The following TOM1L2 variants were observed in gnomAD, a reference collection of about 807,000 sequenced individuals.
The protein encoded by TOM1L2 is target of myb1 like 2 membrane trafficking protein.
In TOM1L2, 31 loss-of-function variants were observed where a neutral mutation model predicts 67.9. The observed-to-expected ratio is 0.46, with a 90% CI of 0.34 to 0.62. TOM1L2 has a LOEUF of 0.62. Ranked by LOEUF, TOM1L2 falls within the 20% of genes least tolerant of loss-of-function variation. The pLI is 0.01. For missense variants in TOM1L2, 606 were observed against 663.5 expected, an observed-to-expected ratio of 0.91 and a Z score of 0.95; for synonymous variants, 256 against 254.0, an observed-to-expected ratio of 1.01 and a Z score of -0.07.
intron 1 of TOM1L2, among the ~76,000 whole-genome samples, chr17:17,954,780 A>G (rs1339268453): frequency 6.6e-6 from 1 of 152,232 alleles, no homozygotes. Context: ...GCAATGGTCC[A>G]GGCATGACCA....
At chr17:17,971,879 C>A (rs1319889560) in intron 1 of TOM1L2, among the ~76,000 whole-genome samples, 5 of 152,164 alleles carry the variant, frequency 3.3e-5, no homozygotes, top group Middle Eastern at 3.2e-3. Context: ...GCACCAGTGC[C>A]CGGGAGGAGG....
At chr17:17,936,529 C>A (rs1226288429) in intron 1 of TOM1L2, among the ~76,000 whole-genome samples, 2 of 151,816 alleles carry the variant, frequency 1.3e-5, no homozygotes, top group African/African-American at 4.8e-5. Context: ...AAGATATAAG[C>A]CCTAAGATGT....
chr17:17,892,484 C>G (rs2038339005), intron 4 of TOM1L2, among the ~76,000 whole-genome samples: 1 of 152,174 alleles, frequency 6.6e-6, no homozygotes, highest in South Asian at 2.1e-4. Flanking sequence ...GTCTAAAACC[C>G]AGGTCTGCAC....
At chr17:17,904,103 G>T (rs1459533612) in intron 2 of TOM1L2, among the ~76,000 whole-genome samples, 2 of 152,112 alleles carry the variant, frequency 1.3e-5, no homozygotes, top group Admixed American at 1.3e-4. Flanking sequence ...GAATAGGTGG[G>T]ACTACAGGCA....
intron 1 of TOM1L2, among the ~76,000 whole-genome samples, chr17:17,910,694 C>T (rs867568924): frequency 6.6e-6 from 1 of 152,052 alleles, no homozygotes; most frequent in Non-Finnish European, 1.5e-5. Flanking sequence ...CTCAGCCTCC[C>T]GAGTAGCTGG....
At chr17:17,883,404 G>T (rs1347527718) in intron 5 of TOM1L2, among the ~76,000 whole-genome samples, 3 of 152,206 alleles carry the variant, frequency 2.0e-5, no homozygotes, top group African/African-American at 7.2e-5. Context: ...ATAGCGCGTG[G>T]TCTGGAGGGA....
At chr17:17,972,120 C>T in intron 1 of TOM1L2, 142 bp downstream of exon 1, 1 of 1,041,992 alleles carries the variant, frequency 9.6e-7, no homozygotes, top group Non-Finnish European at 1.4e-6. Context: ...GATGCCCAGC[C>T]CGCTCGTGGA....
intron 1 of TOM1L2, among the ~76,000 whole-genome samples, chr17:17,927,367 A>G (rs752641018): frequency 1.3e-5 from 2 of 152,200 alleles, no homozygotes; most frequent in Non-Finnish European, 2.9e-5. Context: ...ACATGAGGCC[A>G]GCTGCAGAGG....
At chr17:17,863,825 A>C (rs1007228454) in intron 10 of TOM1L2, among the ~76,000 whole-genome samples, 1 of 151,942 alleles carries the variant, frequency 6.6e-6, no homozygotes, top group African/African-American at 2.4e-5. Flanking sequence ...ATGAGATTGC[A>C]AGTGTGAGCC....
At chr17:17,911,645 CT>C (rs141171530) in intron 1 of TOM1L2, among the ~76,000 whole-genome samples, 174 of 144,826 alleles carry the variant, frequency 1.2e-3, no homozygotes, top group East Asian at 2.4e-3. Flanking sequence ...GCTGGAAATT[CT>C]TTTTTTTTTT....
intron 4 of TOM1L2, among the ~76,000 whole-genome samples, chr17:17,888,258 G>A (rs1207714386): frequency 6.6e-6 from 1 of 152,172 alleles, no homozygotes; most frequent in East Asian, 1.9e-4. Flanking sequence ...AAGACCCAGA[G>A]GAAGGTCTAA....
chr17:17,937,661 AG>A (rs1490619448), intron 1 of TOM1L2, among the ~76,000 whole-genome samples: 2 of 152,250 alleles, frequency 1.3e-5, no homozygotes, highest in African/African-American at 4.8e-5. Context: ...CAAACTGCTC[AG>A]CAATGACACA....
At chr17:17,888,459 T>A (rs1446603974) in intron 4 of TOM1L2, among the ~76,000 whole-genome samples, 1 of 152,248 alleles carries the variant, frequency 6.6e-6, no homozygotes, top group Admixed American at 6.5e-5. Context: ...AACTATGGGC[T>A]CTGGGATGCC....
chr17:17,968,005 C>T (rs939732334), intron 1 of TOM1L2, among the ~76,000 whole-genome samples: 62 of 152,332 alleles, frequency 4.1e-4, no homozygotes, highest in African/African-American at 1.4e-3. Context: ...CTATGTCAGA[C>T]TGTGGTCTTA....
At chr17:17,948,903 G>A (rs188327273) in intron 1 of TOM1L2, among the ~76,000 whole-genome samples, 1 of 152,314 alleles carries the variant, frequency 6.6e-6, no homozygotes, top group Admixed American at 6.5e-5. Context: ...CCTGTGAGGG[G>A]TGGGGGGAAA....
intron 4 of TOM1L2, among the ~76,000 whole-genome samples, chr17:17,891,253 T>C (rs1598277289): frequency 6.6e-6 from 1 of 152,174 alleles, no homozygotes; most frequent in Non-Finnish European, 1.5e-5. Flanking sequence ...GCTGATCTCA[T>C]GGGCTCAGGA....
intron 1 of TOM1L2, among the ~76,000 whole-genome samples, chr17:17,908,519 A>C (rs2039195229): frequency 6.6e-6 from 1 of 152,220 alleles, no homozygotes; most frequent in Non-Finnish European, 1.5e-5. Context: ...GGAAGAAAAT[A>C]TTTGCAAAAT....
rs371116987 is a variant in TOM1L2 at position 17,972,263 on chromosome 17, G to A, written c.51C>T (p.Leu17=). 7.1e-6 allele frequency: 11 copies of A among 1,550,730 alleles called. No homozygotes were observed. The African/African-American group carries it at 1.4e-4, about 19-fold the overall frequency. The change falls in exon 1 of 15, where the codon CTC becomes CTT. Residue 17 remains leucine (L), a splice_region_variant and synonymous_variant. Coordinates refer to ENST00000379504, the MANE Select transcript of TOM1L2 (RefSeq NM_001082968.2). ...CTCCTGCCCCACACGCGGCCTTACC[G>A]AGGCACTGCCCCACTGGTGTGCTGA... ...NPFSTPVGQC[L]EKATDGSLQS...
chr17:17,931,834 A>T (rs961088328), intron 1 of TOM1L2, among the ~76,000 whole-genome samples: 3 of 152,218 alleles, frequency 2.0e-5, no homozygotes, highest in South Asian at 2.1e-4. Flanking sequence ...TATTTCACAC[A>T]ATAAAGATCC....
Sources: allele counts gnomAD v4.1 joint callset (sites outside exome capture counted in the v4.1 genomes callset), GRCh38; gene constraint gnomAD v4.1.1; transcripts MANE v1.5; gene names NCBI Gene and HGNC (gene_info 2026-07-23, HGNC 2026-07-21).